The following STARD9 variants were observed in gnomAD, a reference collection of about 807,000 sequenced individuals.
STARD9 encodes the protein stAR-related lipid transfer protein 9.
STARD9 carries 346 observed loss-of-function variants against 399.8 expected under a neutral mutation model. The observed-to-expected ratio is 0.87, with a 90% CI of 0.79 to 0.95. The LOEUF is 0.95. STARD9 is among the 40% of genes least tolerant of loss of function. STARD9 has a pLI of 0.00. For missense variants in STARD9, 5,832 were observed against 5,667.5 expected (o/e 1.03, Z -0.93); for synonymous variants, 2,203 against 2,143.5 (o/e 1.03, Z -0.77).
chr15:42,628,289 T>G (rs139129483), intron 3 of STARD9, among the ~76,000 whole-genome samples: 14 of 152,328 alleles, frequency 9.2e-5, no homozygotes, highest in African/African-American at 3.1e-4. Flanking sequence ...TTTAGATTTT[T>G]TATTGATTTT....
chr15:42,675,961 G>T lies in STARD9; in HGVS notation c.1860G>T (p.Leu620Phe), dbSNP rs928075392. The T allele has an allele frequency of 1.1e-5, 17 of 1,513,154 alleles. No individual in the cohort carries two copies. The East Asian group carries it at 4.4e-4, about 39-fold the overall frequency. 93.7% of individuals were successfully genotyped at this position (1,513,154 alleles called of 1,614,324 possible). A position where few individuals can be genotyped will look rare whatever the true frequency, so the allele number is the denominator to read the frequency against. Residue 620 changes from leucine (L) to phenylalanine (F), a missense_variant, in exon 20 of 33, where the codon TTG (leucine) becomes TTT (phenylalanine). Coordinates refer to ENST00000290607, the MANE Select transcript of STARD9 (RefSeq NM_020759.3). ...LAASRLGLSP[L>F]LWKERRALEE... is the part of the protein sequence containing the mutation. Reference sequence around the variant, plus strand: ...CCTCCCGGCTGGGTCTCTCCCCTTTGCTTTGGAAGGAAAGGTAAGAAATAG... The same window carrying T: ...CCTCCCGGCTGGGTCTCTCCCCTTTTCTTTGGAAGGAAAGGTAAGAAATAG...
chr15:42,707,141 G>GTTT, intron 26 of STARD9, among the ~76,000 whole-genome samples: 1 of 150,394 alleles, frequency 6.6e-6, no homozygotes, highest in East Asian at 1.9e-4. Flanking sequence ...TTTATGAATA[G>GTTT]TTAAAAAAGT....
chr15:42,651,696 A>G (rs1365712452), intron 8 of STARD9, among the ~76,000 whole-genome samples: 2 of 152,154 alleles, frequency 1.3e-5, no homozygotes, highest in South Asian at 2.1e-4. Flanking sequence ...TAATAGCAGG[A>G]CCAAGTTAAT....
intron 3 of STARD9, among the ~76,000 whole-genome samples, chr15:42,588,336 G>A (rs1410537486): frequency 6.6e-6 from 1 of 152,020 alleles, no homozygotes; most frequent in African/African-American, 2.4e-5. Flanking sequence ...AAGCCCAAAA[G>A]GCCATAGAGG....
chr15:42,600,056 G>A (rs2058591207), intron 3 of STARD9, among the ~76,000 whole-genome samples: 1 of 152,170 alleles, frequency 6.6e-6, no homozygotes, highest in South Asian at 2.1e-4. Flanking sequence ...GGGATCAGGT[G>A]GTGCTAGTCT....
At chr15:42,581,197 A>G (rs976641172) in intron 1 of STARD9, 18 of 776,300 alleles carry the variant, frequency 2.3e-5, no homozygotes, top group Non-Finnish European at 3.8e-5. Context: ...AAGTTGTTCA[A>G]ATTATTGACT....
chr15:42,575,690 C>T lies in STARD9; in HGVS notation c.-26C>T. On this transcript the variant is annotated 5_prime_UTR_variant, in exon 1 of 33. Coordinates refer to ENST00000290607, the MANE Select transcript of STARD9 (RefSeq NM_020759.3). ...CTGGGATGCTGCCGCTGAGCTGACC[C>T]GCTGGACTTGGGTTGTGGCAGACGG... 1 of 1,536,306 alleles carries T rather than the reference C, an allele frequency of 6.5e-7. No homozygotes were observed. The highest frequency in any genetic ancestry group is 8.7e-7 in the Non-Finnish European group (1 of 1,146,702).
chr15:42,674,413 A>G, intron 16 of STARD9, 27 bp from the exon 17 acceptor site: 3 of 1,530,538 alleles, frequency 2.0e-6, no homozygotes, highest in Non-Finnish European at 2.6e-6. Flanking sequence ...TTTAATTCTC[A>G]TTAAAATGGC....
chr15:42,581,176 C>A, intron 1 of STARD9: 1 of 764,306 alleles, frequency 1.3e-6, no homozygotes, highest in East Asian at 2.5e-5. Flanking sequence ...TGTTTCCTGT[C>A]ATGATTGTTC....
intron 1 of STARD9, chr15:42,581,388 T>C (rs1289716714): frequency 1.3e-6 from 2 of 1,492,858 alleles, no homozygotes; most frequent in Admixed American, 3.4e-5. Flanking sequence ...CGTGGTGCAA[T>C]AGTCAAGAGG....
intron 3 of STARD9, among the ~76,000 whole-genome samples, chr15:42,593,785 T>TC (rs1300797822): frequency 6.9e-6 from 1 of 145,528 alleles, no homozygotes; most frequent in Non-Finnish European, 1.5e-5. Flanking sequence ...TGTCTCAGCC[T>TC]CCTGAGTAGC....
chr15:42,692,770 C>T lies in STARD9; in HGVS notation c.11192C>T (p.Thr3731Ile). The T allele has an allele frequency of 6.5e-7, 1 of 1,537,202 alleles. No homozygotes were observed. The highest frequency in any genetic ancestry group is 8.7e-7 in the Non-Finnish European group (1 of 1,146,908). Residue 3731 changes from threonine (T) to isoleucine (I), a missense_variant, in exon 23 of 33, where the codon ACT (threonine) becomes ATT (isoleucine). By Grantham distance (89) the Thr-to-Ile change is moderately conservative (BLOSUM62 -1). Transcript: ENST00000290607. ...ALMMDGSTQT[T>I]VDEGSQTDLT... ...ATGATGGATGGCTCTACTCAGACCA[C>T]TGTGGATGAGGGCAGCCAGACTGAC... is the stretch of plus-strand genomic sequence containing the variant.
chr15:42,702,744 T>G (rs1423389088), intron 26 of STARD9, among the ~76,000 whole-genome samples: 1 of 152,192 alleles, frequency 6.6e-6, no homozygotes, highest in East Asian at 1.9e-4. Context: ...TTCCCCAATT[T>G]TCATTTGTCT....
chr15:42,661,127 A>G (rs1566912087), intron 9 of STARD9, 31 bp from the exon 10 acceptor site: 2 of 1,490,064 alleles, frequency 1.3e-6, no homozygotes, highest in East Asian at 4.9e-5. Flanking sequence ...AATCGTTCCA[A>G]ATGACAGGCT....
rs2060676538 is a variant in STARD9, at chr15:42,690,910, C to T, written c.9332C>T (p.Pro3111Leu). ...TTCCCTGCAGGCATGTACTCTGAGC[C>T]CCTGAGGCAGTTTAGGGACAGCTCT... is the stretch of plus-strand genomic sequence containing the variant. ...ASFPAGMYSE[P>L]LRQFRDSSVG... Residue 3111 changes from proline (P) to leucine (L), a missense_variant, in exon 23 of 33, where the codon CCC (proline) becomes CTC (leucine). Pro to Leu is a moderately conservative substitution (Grantham distance 98). Coordinates refer to ENST00000290607, the MANE Select transcript of STARD9 (RefSeq NM_020759.3). The T allele has an allele frequency of 5.2e-6, 8 of 1,537,128 alleles. No individual in the cohort carries two copies. Among genetic ancestry groups the T allele is most frequent in the Non-Finnish European group, 7.0e-6 (8 of 1,146,896 alleles).
At chr15:42,704,323 C>T (rs972534402) in intron 26 of STARD9, among the ~76,000 whole-genome samples, 39 of 152,290 alleles carry the variant, frequency 2.6e-4, no homozygotes, top group African/African-American at 9.4e-4. Context: ...AATTCCCTGT[C>T]TTAGATTATA....
intron 9 of STARD9, among the ~76,000 whole-genome samples, chr15:42,659,597 G>A (rs2059954030): frequency 6.6e-6 from 1 of 152,162 alleles, no homozygotes; most frequent in South Asian, 2.1e-4. Context: ...CGCGATCTTG[G>A]CTCACTGCAG....
chr15:42,575,701 G>C lies in STARD9; in HGVS notation c.-15G>C. ...CCGCTGAGCTGACCCGCTGGACTTG[G>C]GTTGTGGCAGACGGATGGCGAACGT... On this transcript the variant is annotated 5_prime_UTR_variant, in exon 1 of 33. Transcript: ENST00000290607. The C allele has an allele frequency of 6.5e-7, 1 of 1,536,586 alleles. No homozygotes were observed. The highest frequency in any genetic ancestry group is 8.7e-7 in the Non-Finnish European group (1 of 1,146,788).
At position 42,693,360 on chromosome 15, in the gene STARD9, G is replaced by A; in HGVS notation, c.11782G>A (p.Val3928Ile). The change falls in exon 23 of 33, where the codon GTT becomes ATT. Residue 3928 changes from valine to isoleucine, a missense_variant. Physicochemically the swap from Val to Ile is conservative, Grantham distance 29 (BLOSUM62 3). Transcript: ENST00000290607. ...CCTCTCAGCCCCTTCAACTCACCCT[G>A]TTGAAGGCCACCAGAAGCTTGACTC... ...LTLSAPSTHPVEGHQKLDSSP... is the reference protein window; with the variant it reads ...LTLSAPSTHPIEGHQKLDSSP... 1 of 1,537,138 alleles carries A rather than the reference G, an allele frequency of 6.5e-7. No homozygotes were observed. Among genetic ancestry groups the A allele is most frequent in the Non-Finnish European group, 8.7e-7 (1 of 1,146,884 alleles).
Sources: allele counts gnomAD v4.1 joint callset (sites outside exome capture counted in the v4.1 genomes callset), GRCh38; gene constraint gnomAD v4.1.1; transcripts MANE v1.5; gene names NCBI Gene and HGNC (gene_info 2026-07-23, HGNC 2026-07-21).